The following CNTNAP5 variants were observed in gnomAD, a reference collection of about 807,000 sequenced individuals.
CNTNAP5 encodes the protein contactin associated protein family member 5, also known as contactin-associated protein-like 5.
A neutral mutation model predicts 150.2 loss-of-function variants in CNTNAP5; 72 were observed. The ratio of observed to expected loss-of-function variants is 0.48; its 90% confidence interval spans 0.40 to 0.58. The LOEUF is 0.58. CNTNAP5 is among the 20% of genes least tolerant of loss of function. CNTNAP5 has a pLI of 0.00. For missense variants in CNTNAP5, 1,636 were observed against 1,626.2 expected (o/e 1.01, Z -0.10); for synonymous variants, 672 against 619.8 (o/e 1.08, Z -1.25).
chr2:124,128,757 T>C (rs1169255669), intron 1 of CNTNAP5, among the ~76,000 whole-genome samples: 1 of 152,180 alleles, frequency 6.6e-6, no homozygotes, highest in African/African-American at 2.4e-5. Flanking sequence ...TCATGTCCTT[T>C]GTAGGGACAT....
chr2:124,337,538 A>G (rs1573925082), intron 3 of CNTNAP5, among the ~76,000 whole-genome samples: 2 of 152,070 alleles, frequency 1.3e-5, no homozygotes, highest in African/African-American at 2.4e-5. Flanking sequence ...TCCATCTTGA[A>G]TTAATTTTTG....
At chr2:124,109,995 G>A (rs1683258647) in intron 1 of CNTNAP5, among the ~76,000 whole-genome samples, 1 of 152,158 alleles carries the variant, frequency 6.6e-6, no homozygotes, top group Non-Finnish European at 1.5e-5. Flanking sequence ...TACAACAAGT[G>A]CTCACAAGTA....
At chr2:124,325,414 T>C (rs1173772466) in intron 3 of CNTNAP5, among the ~76,000 whole-genome samples, 4 of 151,974 alleles carry the variant, frequency 2.6e-5, no homozygotes, top group East Asian at 2.0e-4. Context: ...TAAACTGGTA[T>C]CATTACCACT....
At chr2:124,377,331 G>A (rs1290453975) in intron 3 of CNTNAP5, among the ~76,000 whole-genome samples, 3 of 152,084 alleles carry the variant, frequency 2.0e-5, no homozygotes, top group East Asian at 1.9e-4. Context: ...CTAAGAGAAA[G>A]AATAAGGAGT....
intron 19 of CNTNAP5, among the ~76,000 whole-genome samples, chr2:124,828,172 C>T (rs1168233426): frequency 6.6e-6 from 1 of 152,084 alleles, no homozygotes; most frequent in African/African-American, 2.4e-5. Context: ...ATAATAATGT[C>T]TACTTGTTAT....
At chr2:124,771,698 C>A (rs905048295) in intron 16 of CNTNAP5, among the ~76,000 whole-genome samples, 9 of 148,478 alleles carry the variant, frequency 6.1e-5, no homozygotes, top group African/African-American at 2.0e-4. Flanking sequence ...CCATCACTGG[C>A]GCCATCACCA....
intron 1 of CNTNAP5, among the ~76,000 whole-genome samples, chr2:124,133,932 A>G (rs1683919546): frequency 6.6e-6 from 1 of 152,206 alleles, no homozygotes; most frequent in Admixed American, 6.5e-5. Context: ...TGCATCTGTT[A>G]AAGGGCAGTG....
At position 124,071,317 on chromosome 2, in the gene CNTNAP5, C is replaced by A. The variant is rs181966584; in HGVS notation, c.82+45585C>A. Among the ~76,000 whole-genome samples, 3 of 151,726 alleles carry A rather than the reference C, an allele frequency of 2.0e-5. No individual in the cohort carries two copies. In the East Asian group the frequency reaches 5.8e-4, roughly 29 times the overall value. ...AGAGAACTAGAAAAGCAGAAACAAA[C>A]CAAACCCAAAATTAGTAAAATAAAT... On this transcript the variant is annotated intron_variant, in intron 1 of 23. Transcript: ENST00000682447.
chr2:124,625,565 T>C (rs750850834), intron 12 of CNTNAP5, among the ~76,000 whole-genome samples: 6 of 152,294 alleles, frequency 3.9e-5, no homozygotes, highest in Non-Finnish European at 7.3e-5. Flanking sequence ...TGCTCAGTGC[T>C]TAATAAGTCC....
At chr2:124,868,886 A>G (rs930239313) in intron 20 of CNTNAP5, among the ~76,000 whole-genome samples, 1 of 152,150 alleles carries the variant, frequency 6.6e-6, no homozygotes, top group Non-Finnish European at 1.5e-5. Context: ...CCATATGCAT[A>G]GTCAGAGTAG....
chr2:124,671,548 A>T (rs1203861814), intron 13 of CNTNAP5, among the ~76,000 whole-genome samples: 3 of 152,226 alleles, frequency 2.0e-5, no homozygotes, highest in Non-Finnish European at 4.4e-5. Context: ...CTTTACAAAA[A>T]GCAGAATTTT....
At chr2:124,600,188 G>GTT (rs1284441372) in intron 11 of CNTNAP5, among the ~76,000 whole-genome samples, 5 of 125,308 alleles carry the variant, frequency 4.0e-5, no homozygotes, top group African/African-American at 1.3e-4. Context: ...AATAGTAAAT[G>GTT]GTTTTTTTTT....
At chr2:124,259,197 T>A (rs866815924) in intron 3 of CNTNAP5, among the ~76,000 whole-genome samples, 17 of 152,136 alleles carry the variant, frequency 1.1e-4, no homozygotes, top group Admixed American at 1.3e-4. Context: ...TCATCCTTTT[T>A]TACCGCTGCA....
At chr2:124,863,120 A>G (rs1444550390) in intron 19 of CNTNAP5, among the ~76,000 whole-genome samples, 1 of 152,216 alleles carries the variant, frequency 6.6e-6, no homozygotes, top group Non-Finnish European at 1.5e-5. Flanking sequence ...ATGTGTGTGA[A>G]TATGAATTAC....
chr2:124,625,982 C>T (rs1223519735), intron 12 of CNTNAP5, among the ~76,000 whole-genome samples: 1 of 152,108 alleles, frequency 6.6e-6, no homozygotes, highest in Non-Finnish European at 1.5e-5. Context: ...TAGAAATGAT[C>T]ACTTATTCTT....
chr2:124,170,241 T>C (rs1009253367), intron 1 of CNTNAP5, among the ~76,000 whole-genome samples: 2 of 135,972 alleles, frequency 1.5e-5, no homozygotes, highest in Non-Finnish European at 3.1e-5. Context: ...GTCTTAAATA[T>C]ATATATATAT....
chr2:124,285,261 G>A (rs1688119525), intron 3 of CNTNAP5, among the ~76,000 whole-genome samples: 1 of 152,112 alleles, frequency 6.6e-6, no homozygotes, highest in Non-Finnish European at 1.5e-5. Context: ...ACTTTCATGA[G>A]CTAACACCAC....
chr2:124,510,279 C>CTATATATCTATATATA (rs1238288039), intron 8 of CNTNAP5, among the ~76,000 whole-genome samples: 9 of 70,996 alleles, frequency 1.3e-4, no homozygotes, highest in East Asian at 6.3e-4. Flanking sequence ...ATATCTATAT[C>CTATATATCTATATATA]TATATCTATA....
chr2:124,207,580 C>T (rs1452367267), intron 1 of CNTNAP5, among the ~76,000 whole-genome samples: 1 of 152,226 alleles, frequency 6.6e-6, no homozygotes, highest in Non-Finnish European at 1.5e-5. Context: ...GCACTTACCA[C>T]TCCCTTCATC....
Sources: allele counts gnomAD v4.1 joint callset (sites outside exome capture counted in the v4.1 genomes callset), GRCh38; gene constraint gnomAD v4.1.1; transcripts MANE v1.5; gene names NCBI Gene and HGNC (gene_info 2026-07-23, HGNC 2026-07-21).